The following INVS variants were observed in gnomAD, a reference collection of about 807,000 sequenced individuals.
INVS encodes inversin, also known as inversion of embryo turning homolog.
INVS carries 86 observed loss-of-function variants against 108.8 expected under a neutral mutation model. The ratio of observed to expected loss-of-function variants is 0.79; its 90% CI spans 0.66 to 0.95. The LOEUF is 0.95. Among genes scored for constraint, INVS ranks in the 40% least tolerant of loss-of-function variants. INVS has a pLI of 0.00. For missense variants in INVS, 1,169 were observed against 1,297.4 expected (o/e 0.90, Z 1.52); for synonymous variants, 455 against 473.5 (o/e 0.96, Z 0.51).
rs146270851 is a variant in INVS, at chr9:100,294,808, T to A, written c.2786+1765T>A. ...GAAGGGTGATGTTACTACTACCAAT[T>A]GTTAACATACTAGTATTATTTATTG... On this transcript the variant is annotated intron_variant, in intron 14 of 16. Transcript: ENST00000262457. 1.5e-3 allele frequency among the ~76,000 whole-genome samples: 235 copies of A among 152,310 alleles called. 4 individuals carry two copies. The East Asian group carries it at 0.038, about 24-fold the overall frequency.
At chr9:100,115,901 C>T (rs1039788300) in intron 2 of INVS, among the ~76,000 whole-genome samples, 37 of 152,124 alleles carry the variant, frequency 2.4e-4, no homozygotes, top group Middle Eastern at 6.3e-3. Context: ...AACTAGTTTA[C>T]AGTCCCACCA....
At chr9:100,172,404 C>T (rs1265194182) in intron 3 of INVS, among the ~76,000 whole-genome samples, 1 of 152,112 alleles carries the variant, frequency 6.6e-6, no homozygotes, top group Admixed American at 6.6e-5. Flanking sequence ...GTTCTGGATA[C>T]AGTTTAATAT....
intron 3 of INVS, among the ~76,000 whole-genome samples, chr9:100,155,098 C>T (rs1252802710): frequency 6.6e-6 from 1 of 151,656 alleles, no homozygotes; most frequent in African/African-American, 2.4e-5. Context: ...GTAATCCTAG[C>T]TACTCGGGAG....
intron 3 of INVS, among the ~76,000 whole-genome samples, chr9:100,225,379 A>G (rs1407468301): frequency 6.6e-6 from 1 of 152,100 alleles, no homozygotes; most frequent in East Asian, 1.9e-4. Flanking sequence ...AGCTGCCTCT[A>G]CCTTAGTTGT....
intron 3 of INVS, among the ~76,000 whole-genome samples, chr9:100,143,316 T>G (rs1482014030): frequency 6.6e-6 from 1 of 152,152 alleles, no homozygotes; most frequent in Non-Finnish European, 1.5e-5. Context: ...AAGCCTTGTC[T>G]GGTTTTAGGA....
chr9:100,207,787 G>C (rs978988711), intron 3 of INVS, among the ~76,000 whole-genome samples: 3 of 152,038 alleles, frequency 2.0e-5, no homozygotes, highest in African/African-American at 7.2e-5. Context: ...TTCTTACTTT[G>C]TTTTCCCAAT....
rs766152250 is a variant in INVS at position 100,300,606 on chromosome 9, G to A, written c.3130G>A (p.Gly1044Arg). 1 of 1,613,770 alleles carries A rather than the reference G, an allele frequency of 6.2e-7. No homozygotes were observed. The highest frequency in any genetic ancestry group is 1.1e-5 in the South Asian group (1 of 91,068). ...LQCIHLLENS[G>R]RSKNFSYNLQ... ...GTGTATACATCTCCTTGAGAACAGT[G>A]GAAGATCAAAGAACTTTTCTTATAA... Residue 1044 changes from glycine to arginine, a missense_variant, in exon 17 of 17, where the codon GGA (glycine) becomes AGA (arginine). Coordinates refer to ENST00000262457, the MANE Select transcript of INVS (RefSeq NM_014425.5).
chr9:100,230,601 C>T (rs1831477756), intron 5 of INVS, among the ~76,000 whole-genome samples: 2 of 152,158 alleles, frequency 1.3e-5, no homozygotes, highest in East Asian at 3.8e-4. Flanking sequence ...TTACTGCAGC[C>T]TCCACCTCCC....
At chr9:100,158,177 C>T (rs1829063113) in intron 3 of INVS, among the ~76,000 whole-genome samples, 1 of 152,044 alleles carries the variant, frequency 6.6e-6, no homozygotes, top group South Asian at 2.1e-4. Context: ...TTTATATTCT[C>T]ATGTTTAGTG....
At chr9:100,249,230 C>G (rs1012543149) in intron 8 of INVS, among the ~76,000 whole-genome samples, 3 of 152,078 alleles carry the variant, frequency 2.0e-5, no homozygotes, top group Non-Finnish European at 2.9e-5. Flanking sequence ...CTGTCTATTC[C>G]CTCAGCTAAG....
At chr9:100,150,061 A>G (rs1828758925) in intron 3 of INVS, among the ~76,000 whole-genome samples, 1 of 152,108 alleles carries the variant, frequency 6.6e-6, no homozygotes, top group Non-Finnish European at 1.5e-5. Context: ...TCCCAGATCC[A>G]GTTTTCCTGT....
chr9:100,293,941 T>A (rs1469031189), intron 14 of INVS, among the ~76,000 whole-genome samples: 1 of 151,918 alleles, frequency 6.6e-6, no homozygotes, highest in East Asian at 1.9e-4. Flanking sequence ...GGAGGGAGGA[T>A]CACTTGAACC....
At chr9:100,255,427 C>G (rs534280176) in intron 10 of INVS, among the ~76,000 whole-genome samples, 1 of 152,148 alleles carries the variant, frequency 6.6e-6, no homozygotes, top group Non-Finnish European at 1.5e-5. Flanking sequence ...CCTGATTGCC[C>G]TGGCCAGAAC....
chr9:100,275,716 T>A (rs1249370945), intron 12 of INVS, among the ~76,000 whole-genome samples: 2 of 152,198 alleles, frequency 1.3e-5, no homozygotes, highest in African/African-American at 2.4e-5. Flanking sequence ...TGAAAGGCAC[T>A]TATTAAACTT....
chr9:100,226,539 G>T (rs1320899523), intron 4 of INVS, among the ~76,000 whole-genome samples: 1 of 152,066 alleles, frequency 6.6e-6, no homozygotes, highest in Non-Finnish European at 1.5e-5. Flanking sequence ...TCGGCCGGGC[G>T]CATTGGCTCA....
At chr9:100,129,806 G>T in intron 3 of INVS, 1 of 581,386 alleles carries the variant, frequency 1.7e-6, no homozygotes, top group South Asian at 2.4e-5. Flanking sequence ...GAATGCAAAA[G>T]AATACAACCC....
intron 3 of INVS, among the ~76,000 whole-genome samples, chr9:100,185,291 A>C (rs1830019378): frequency 6.6e-6 from 1 of 151,788 alleles, no homozygotes; most frequent in Non-Finnish European, 1.5e-5. Context: ...ATGTGTAATA[A>C]ATGTACCTAC....
intron 3 of INVS, among the ~76,000 whole-genome samples, chr9:100,141,496 G>T (rs1282402629): frequency 1.3e-5 from 2 of 152,166 alleles, no homozygotes; most frequent in African/African-American, 4.8e-5. Flanking sequence ...ACTGTATAGA[G>T]GTGGGAAGGC....
chr9:100,139,715 T>G (rs1828359373), intron 3 of INVS, among the ~76,000 whole-genome samples: 1 of 152,184 alleles, frequency 6.6e-6, no homozygotes, highest in Non-Finnish European at 1.5e-5. Flanking sequence ...TGATCAGGGC[T>G]CACTGCAGCT....
Sources: allele counts gnomAD v4.1 joint callset (sites outside exome capture counted in the v4.1 genomes callset), GRCh38; gene constraint gnomAD v4.1.1; transcripts MANE v1.5; gene names NCBI Gene and HGNC (gene_info 2026-07-23, HGNC 2026-07-21).